Variants in IL1RAPL1 observed in about 807,000 individuals in gnomAD.
IL1RAPL1 encodes interleukin-1 receptor accessory protein-like 1.
IL1RAPL1 carries 3 observed loss-of-function variants against 48.4 expected under a neutral mutation model. The ratio of observed to expected loss-of-function variants is 0.06; its 90% CI spans 0.03 to 0.16. The LOEUF (loss-of-function observed/expected upper bound fraction) is 0.16, where lower values mean the gene tolerates loss of function less well. IL1RAPL1 is among the 10% of genes least tolerant of loss of function. The pLI is 1.00. For missense variants in IL1RAPL1, 349 were observed against 530.6 expected, an observed-to-expected ratio of 0.66 and a Z score of 3.36; for synonymous variants, 185 against 187.7, an observed-to-expected ratio of 0.99 and a Z score of 0.12.
chrX:29,566,929 G>T (rs1922426181), intron 5 of IL1RAPL1, among the ~76,000 whole-genome samples: 1 of 111,745 alleles, frequency 8.9e-6, no homozygotes, highest in African/African-American at 3.2e-5. Flanking sequence ...GCAGGATACA[G>T]AGGCAAAGAG....
intron 6 of IL1RAPL1, among the ~76,000 whole-genome samples, chrX:29,782,939 C>G (rs1228380088): frequency 7.4e-4 from 53 of 71,618 alleles, no homozygotes; most frequent in African/African-American, 3.0e-3. Flanking sequence ...GAGTCTCACT[C>G]TGTCGCCCAG....
chrX:29,087,846 G>A (rs1373526567), intron 2 of IL1RAPL1, among the ~76,000 whole-genome samples: 1 of 111,744 alleles, frequency 8.9e-6, no homozygotes, highest in East Asian at 2.8e-4. Flanking sequence ...ACCGGCCTGG[G>A]CAACATGGCA....
intron 6 of IL1RAPL1, among the ~76,000 whole-genome samples, chrX:29,889,139 TTCA>T (rs1165269304): frequency 8.9e-6 from 1 of 111,941 alleles, no homozygotes; most frequent in East Asian, 2.8e-4. Context: ...GGCATATAGG[TTCA>T]TGTTTTTTTG....
At chrX:28,883,005 G>A (rs1048666406) in intron 2 of IL1RAPL1, among the ~76,000 whole-genome samples, 3 of 111,344 alleles carry the variant, frequency 2.7e-5, no homozygotes, top group Non-Finnish European at 5.7e-5. Flanking sequence ...GTGTGTGTAT[G>A]GGAGAGATGT....
At chrX:29,944,203 G>T (rs1933179064) in intron 9 of IL1RAPL1, among the ~76,000 whole-genome samples, 1 of 111,586 alleles carries the variant, frequency 9.0e-6, no homozygotes, top group Non-Finnish European at 1.9e-5. Context: ...AAAAGCGGGG[G>T]GCAGGGGGAA....
At chrX:29,097,824 T>G (rs2147461256) in intron 2 of IL1RAPL1, among the ~76,000 whole-genome samples, 1 of 112,386 alleles carries the variant, frequency 8.9e-6, no homozygotes, top group Admixed American at 9.4e-5. Flanking sequence ...AATGTTGTTT[T>G]TAAACCCTAA....
At chrX:29,178,940 G>T (rs1263795169) in intron 2 of IL1RAPL1, among the ~76,000 whole-genome samples, 1 of 111,446 alleles carries the variant, frequency 9.0e-6, no homozygotes, top group East Asian at 2.8e-4. Context: ...GCTCTGTTCT[G>T]TTCCATTGGT....
At chrX:29,167,095 C>T (rs886963486) in intron 2 of IL1RAPL1, among the ~76,000 whole-genome samples, 2 of 111,376 alleles carry the variant, frequency 1.8e-5, no homozygotes, top group Non-Finnish European at 3.8e-5. Context: ...TAAATAAGGC[C>T]GTATGTTCTT....
At chrX:29,117,525 G>A (rs761429836) in intron 2 of IL1RAPL1, among the ~76,000 whole-genome samples, 3 of 112,132 alleles carry the variant, frequency 2.7e-5, no homozygotes, top group South Asian at 7.2e-4. Context: ...TTTTCTGTAC[G>A]TGTTTTTAAA....
At chrX:29,457,393 T>C (rs774387776) in intron 5 of IL1RAPL1, among the ~76,000 whole-genome samples, 5 of 111,313 alleles carry the variant, frequency 4.5e-5, no homozygotes, top group Middle Eastern at 4.6e-3. Flanking sequence ...TTTATGTTCA[T>C]GTGTGCTCAA....
intron 1 of IL1RAPL1, among the ~76,000 whole-genome samples, chrX:28,723,331 T>G (rs1033680929): frequency 9.0e-6 from 1 of 111,214 alleles, no homozygotes; most frequent in African/African-American, 3.3e-5. Context: ...GGAGGGTGTG[T>G]GTGTCCAGGA....
chrX:29,497,132 T>C (rs1400916316), intron 5 of IL1RAPL1, among the ~76,000 whole-genome samples: 1 of 112,362 alleles, frequency 8.9e-6, no homozygotes, highest in Non-Finnish European at 1.9e-5. Context: ...AATTTCATTA[T>C]TGAGTTTCTT....
chrX:29,513,488 G>T (rs1361767561), intron 5 of IL1RAPL1, among the ~76,000 whole-genome samples: 2 of 111,914 alleles, frequency 1.8e-5, no homozygotes, highest in Non-Finnish European at 3.8e-5. Context: ...GAAGTAAAAA[G>T]ATTGTTTTAA....
chrX:28,814,195 T>C (rs1001673059), intron 2 of IL1RAPL1, among the ~76,000 whole-genome samples: 2 of 110,823 alleles, frequency 1.8e-5, no homozygotes, highest in Non-Finnish European at 3.8e-5. Flanking sequence ...TTTTGCCTAG[T>C]TGAGCTGTGT....
intron 1 of IL1RAPL1, among the ~76,000 whole-genome samples, chrX:28,748,351 C>T (rs1162063542): frequency 9.0e-6 from 1 of 111,689 alleles, no homozygotes; most frequent in Non-Finnish European, 1.9e-5. Context: ...CCTTATTTCT[C>T]TTTCTTGCAT....
intron 9 of IL1RAPL1, among the ~76,000 whole-genome samples, chrX:29,952,080 G>A (rs1454737885): frequency 1.8e-5 from 2 of 111,896 alleles, no homozygotes; most frequent in African/African-American, 3.2e-5. Flanking sequence ...AAGCAAAGGC[G>A]ATATTTATCT....
chrX:29,599,435 C>T (rs1416462520), intron 5 of IL1RAPL1, among the ~76,000 whole-genome samples: 1 of 111,761 alleles, frequency 8.9e-6, no homozygotes, highest in Non-Finnish European at 1.9e-5. Flanking sequence ...ATGCTTTTGC[C>T]TCACAGCTCG....
chrX:29,171,027 C>G (rs1327553670), intron 2 of IL1RAPL1, among the ~76,000 whole-genome samples: 2 of 111,133 alleles, frequency 1.8e-5, no homozygotes, highest in Non-Finnish European at 3.8e-5. Flanking sequence ...GATGGAGTCT[C>G]ACTCTGTCGC....
chrX:28,619,281 G>A (rs1022660093), intron 1 of IL1RAPL1, among the ~76,000 whole-genome samples: 1 of 110,639 alleles, frequency 9.0e-6, no homozygotes, highest in African/African-American at 3.3e-5. Context: ...GGAGATGGTT[G>A]ATTAGTGCAT....
Sources: allele counts gnomAD v4.1 joint callset (sites outside exome capture counted in the v4.1 genomes callset), GRCh38; gene constraint gnomAD v4.1.1; transcripts MANE v1.5; gene names NCBI Gene and HGNC (gene_info 2026-07-23, HGNC 2026-07-21).